KIF1B: variants seen among roughly 807,000 people sequenced by gnomAD.
The protein encoded by KIF1B is kinesin-like protein KIF1B.
Under a neutral mutation model 241.9 loss-of-function variants are expected in KIF1B, and 76 were observed. The ratio of observed to expected loss-of-function variants is 0.31; its 90% CI spans 0.26 to 0.38. The LOEUF (loss-of-function observed/expected upper bound fraction) is 0.38, where lower values mean the gene tolerates loss of function less well. KIF1B is among the 10% of genes least tolerant of loss of function. The pLI is 1.00. For missense variants in KIF1B, 1,622 were observed against 2,271.4 expected (o/e 0.71, Z 5.81); for synonymous variants, 750 against 796.7 (o/e 0.94, Z 0.99).
At chr1:10,329,256 G>A (rs1291052730) in intron 27 of KIF1B, among the ~76,000 whole-genome samples, 2 of 152,168 alleles carry the variant, frequency 1.3e-5, no homozygotes, top group African/African-American at 2.4e-5. Flanking sequence ...GTGAAGGATA[G>A]CTTTCCATTT....
rs57088720 is a variant in KIF1B, at chr1:10,365,005, CAA to C, written c.4367-80_4367-79del. Reference sequence around the variant, plus strand: ...TGGGCAACAGAGCGAGACTCCATCTCAAAAAAAAAAAAAAAAGAATTATTAAT... The same window carrying C: ...TGGGCAACAGAGCGAGACTCCATCTCAAAAAAAAAAAAAAGAATTATTAAT... On this transcript the variant is annotated intron_variant, in intron 41 of 48. Transcript: ENST00000676179. This position sits in a 1 kb window ranked among gnomAD's most constrained non-coding sequence, Gnocchi z 4.0. 8.4e-3 allele frequency: 7,021 copies of C among 838,194 alleles called. No individual in the cohort carries two copies. Among genetic ancestry groups the C allele is most frequent in the East Asian group, 0.013 (353 of 27,152 alleles). The allele number at this position is 838,194 out of a possible 1,614,324, so 51.9% of individuals were successfully genotyped here.
intron 28 of KIF1B, among the ~76,000 whole-genome samples, chr1:10,336,048 T>C (rs1216024258): frequency 6.6e-6 from 1 of 152,244 alleles, no homozygotes; most frequent in Non-Finnish European, 1.5e-5. Context: ...AAGTACAATA[T>C]AATATTTTCA....
At chr1:10,361,070 T>A (rs1044413201) in intron 39 of KIF1B, 27 bp downstream of exon 39, 4 of 1,400,812 alleles carry the variant, frequency 2.9e-6, no homozygotes, top group Non-Finnish European at 2.0e-6. Flanking sequence ...CTTCAGTTGA[T>A]GCCAACAGTC....
In KIF1B at chr1:10,297,357, A is replaced by C. The variant is rs1048475256; in HGVS notation, c.2115+111A>C. 16 of 893,502 alleles carry C rather than the reference A, an allele frequency of 1.8e-5. No homozygotes were observed. The South Asian group carries it at 2.1e-4, about 12-fold the overall frequency. The allele number at this position is 893,502 out of a possible 1,614,324, so 55.3% of individuals were successfully genotyped here. A position where few individuals can be genotyped will look rare whatever the true frequency, so the allele number is the denominator to read the frequency against. On this transcript the variant is annotated intron_variant, in intron 22 of 48. Transcript: ENST00000676179. The stretch of plus-strand genomic sequence containing the variant: ...AATTGCTTCTGTCTCAATGATACCA[A>C]GCACTATTCTTTAATTTCCTTAATG...
intron 22 of KIF1B, among the ~76,000 whole-genome samples, chr1:10,309,211 C>T (rs1022138394): frequency 1.3e-5 from 2 of 152,176 alleles, no homozygotes; most frequent in African/African-American, 4.8e-5. Flanking sequence ...AATACAAAAT[C>T]CACATGAGTT....
chr1:10,314,608 CAG>C (rs1274336148), intron 22 of KIF1B, among the ~76,000 whole-genome samples: 1 of 151,350 alleles, frequency 6.6e-6, no homozygotes, highest in African/African-American at 2.5e-5. Context: ...TTAGCAGAAA[CAG>C]GGTCTCACTA....
rs1213067459 is a variant in KIF1B at position 10,307,588 on chromosome 1, G to A, written c.2115+10342G>A. The A allele has an allele frequency of 7.0e-6, 7 of 1,001,764 alleles. No homozygotes were observed. In the East Asian group the frequency reaches 3.7e-4, roughly 53 times the overall value. 62.1% of individuals were successfully genotyped at this position (1,001,764 alleles called of 1,614,324 possible). A position where few individuals can be genotyped will look rare whatever the true frequency, so the allele number is the denominator to read the frequency against. On this transcript the variant is annotated intron_variant, in intron 22 of 48. Transcript: ENST00000676179. ...GCCTCCCAAAGTGCTGAGATTACAG[G>A]CGTGAGCCACCGCGCCTGGCCTGTT... is the stretch of plus-strand genomic sequence containing the variant.
At position 10,361,758 on chromosome 1, in the gene KIF1B, G is replaced by A. The variant is rs1553170117; in HGVS notation, c.4237G>A (p.Ala1413Thr). The change falls in exon 40 of 49, where the codon GCC becomes ACC. Residue 1413 changes from alanine to threonine, a missense_variant. Coordinates refer to ENST00000676179, the MANE Select transcript of KIF1B (RefSeq NM_001365951.3). ...GTGCATGGTCTTCTACTCCCGAGAT[G>A]CCAAGATCTCACCACCACGCTCTCT... is the stretch of plus-strand genomic sequence containing the variant. ...DVCMVFYSRD[A>T]KISPPRSLRS... is the part of the protein sequence containing the mutation. 6.2e-7 allele frequency: 1 copy of A among 1,614,114 alleles called. No individual in the cohort carries two copies. The highest frequency in any genetic ancestry group is 1.6e-4 in the Middle Eastern group (1 of 6,062).
At chr1:10,289,623 C>T (rs567609020) in intron 15 of KIF1B, among the ~76,000 whole-genome samples, 2 of 152,264 alleles carry the variant, frequency 1.3e-5, no homozygotes, top group East Asian at 1.9e-4. Flanking sequence ...GTGGCTCACA[C>T]CTGTAATCCC....
intron 3 of KIF1B, 126 bp downstream of exon 3, chr1:10,256,449 A>G: frequency 2.7e-6 from 2 of 745,572 alleles, no homozygotes; most frequent in Middle Eastern, 2.3e-4. Context: ...GCATGAGTTC[A>G]TTCTTTGATA....
intron 37 of KIF1B, among the ~76,000 whole-genome samples, chr1:10,350,090 ACCATCCTGG>A (rs1652735194): frequency 6.6e-6 from 1 of 152,026 alleles, no homozygotes; most frequent in South Asian, 2.1e-4. Flanking sequence ...AGAGATTGAG[ACCATCCTGG>A]CCAACATGGT....
At chr1:10,293,086 CT>C (rs33954582) in intron 17 of KIF1B, among the ~76,000 whole-genome samples, 11 of 145,002 alleles carry the variant, frequency 7.6e-5, no homozygotes, top group East Asian at 2.0e-4. Context: ...GGCCACATAA[CT>C]TTTTTTTTTT....
chr1:10,332,806 C>T (rs1371109724), intron 27 of KIF1B, among the ~76,000 whole-genome samples: 17 of 146,484 alleles, frequency 1.2e-4, no homozygotes, highest in Non-Finnish European at 1.6e-4. Context: ...TGAGCCACCG[C>T]GCCTGGCCTC....
intron 5 of KIF1B, among the ~76,000 whole-genome samples, chr1:10,263,366 C>T (rs867754444): frequency 3.9e-4 from 60 of 152,046 alleles, no homozygotes; most frequent in African/African-American, 1.4e-3. Context: ...CCCACCACAC[C>T]CTTTTTTGGT....
At position 10,381,351 on chromosome 1, in the gene KIF1B, G is replaced by C. The variant is rs1639018177; in HGVS notation, c.*4764G>C. 4.4e-6 allele frequency: 1 copy of C among 224,840 alleles called. No individual in the cohort carries two copies. The highest frequency in any genetic ancestry group is 8.9e-6 in the Non-Finnish European group (1 of 112,570). The allele number at this position is 224,840 out of a possible 1,614,324, so 13.9% of individuals were successfully genotyped here. On this transcript the variant is annotated 3_prime_UTR_variant, in exon 49 of 49. Transcript: ENST00000676179. ...GATCTCTCCCCCGTGAAGGAGTTGA[G>C]CACATTAGCAACAATGTACATTAAT...
intron 41 of KIF1B, among the ~76,000 whole-genome samples, chr1:10,363,945 AAAG>A (rs1364265961): frequency 7.9e-5 from 12 of 152,232 alleles, no homozygotes; most frequent in African/African-American, 2.9e-4. Context: ...TTAGATAAGT[AAAG>A]AAGACTTTGA....
chr1:10,228,511 A>C (rs1646939374), intron 1 of KIF1B, among the ~76,000 whole-genome samples: 1 of 152,246 alleles, frequency 6.6e-6, no homozygotes, highest in South Asian at 2.1e-4. Context: ...TGATCTTGCA[A>C]CAGGGTTAAG....
chr1:10,360,357 T>C (rs1638384993), intron 38 of KIF1B, among the ~76,000 whole-genome samples: 1 of 152,062 alleles, frequency 6.6e-6, no homozygotes, highest in Admixed American at 6.6e-5. Context: ...TTTATGTTTA[T>C]AGGCAGAGGC....
At chr1:10,212,486 C>G (rs1646705737) in intron 1 of KIF1B, among the ~76,000 whole-genome samples, 1 of 152,094 alleles carries the variant, frequency 6.6e-6, no homozygotes, top group Non-Finnish European at 1.5e-5. Flanking sequence ...GTGGACAGGA[C>G]CTGGAGAGAT....
Sources: allele counts gnomAD v4.1 joint callset (sites outside exome capture counted in the v4.1 genomes callset), GRCh38; gene constraint gnomAD v4.1.1; non-coding constraint Gnocchi (gnomAD v3.1); transcripts MANE v1.5; gene names NCBI Gene and HGNC (gene_info 2026-07-23, HGNC 2026-07-21).